Variants in PLXDC1 observed in about 807,000 individuals in gnomAD.
PLXDC1 encodes the protein plexin domain-containing protein 1.
PLXDC1 carries 39 observed loss-of-function variants against 61.3 expected under a neutral mutation model. The observed-to-expected ratio is 0.64, with a 90% CI of 0.49 to 0.83. The LOEUF is 0.83. Among genes scored for constraint, PLXDC1 ranks in the 40% least tolerant of loss-of-function variants. The pLI, the probability that PLXDC1 is intolerant of heterozygous loss-of-function variation, is 0.00. For missense variants in PLXDC1, 596 were observed against 666.5 expected (o/e 0.89, Z 1.17); for synonymous variants, 212 against 254.5 (o/e 0.83, Z 1.59).
Position 39,125,982 on chromosome 17 carries a change from G to A in PLXDC1, c.255+13672C>T, listed in dbSNP as rs374418925. Among the ~76,000 whole-genome samples the A allele has an allele frequency of 2.5e-3, 374 of 152,192 alleles. 2 individuals are homozygous for A. Among genetic ancestry groups the A allele is most frequent in the Non-Finnish European group, 3.7e-3 (253 of 68,016 alleles). ...ACATGAGTGCACATGGGCCGGGCGC[G>A]GTGGCTCACACCTGTAATCCCAGCA... On this transcript the variant is annotated intron_variant, in intron 2 of 13. Coordinates refer to ENST00000315392, the MANE Select transcript of PLXDC1 (RefSeq NM_020405.5).
Position 39,087,867 on chromosome 17 carries a change from G to A in PLXDC1, c.812-165C>T, listed in dbSNP as rs113219481. Among the ~76,000 whole-genome samples the A allele has an allele frequency of 2.0e-4, 30 of 152,298 alleles. 1 individual carries two copies. The highest frequency in any genetic ancestry group is 6.3e-4 in the African/African-American group (26 of 41,568). ...CGCTGCTGGAGACAGGGACAGGTGC[G>A]GACCTGGAGAGGAGAGTGTTGTGGT... is the stretch of plus-strand genomic sequence containing the variant. On this transcript the variant is annotated intron_variant, in intron 7 of 13. Coordinates refer to ENST00000315392, the MANE Select transcript of PLXDC1 (RefSeq NM_020405.5).
At chr17:39,099,353 A>G (rs1318339774) in intron 7 of PLXDC1, among the ~76,000 whole-genome samples, 3 of 152,170 alleles carry the variant, frequency 2.0e-5, no homozygotes, top group Non-Finnish European at 4.4e-5. Flanking sequence ...CTCATTCCAC[A>G]GCTTGATCAG....
At chr17:39,108,847 CCT>C in intron 4 of PLXDC1, 55 bp downstream of exon 4, 1 of 1,210,412 alleles carries the variant, frequency 8.3e-7, no homozygotes, top group South Asian at 1.2e-5. Context: ...TGGGAGGGCC[CCT>C]GAGTTCGGGC....
chr17:39,114,372 G>A (rs998443968), intron 2 of PLXDC1, among the ~76,000 whole-genome samples: 21 of 152,150 alleles, frequency 1.4e-4, no homozygotes, highest in Non-Finnish European at 2.4e-4. Context: ...TTCAGGAGCT[G>A]ACCCTTCCTC....
rs1206374337 is a variant in PLXDC1, at chr17:39,063,972, G to GCCCCATC, written c.*3867_*3868insGATGGGG. Reference sequence around the variant, plus strand: ...AACACTTTGCTTTTTGAATAGTGTGGTTGGCTGGCAGCTCTTGTCATTGTT... The same window carrying GCCCCATC: ...AACACTTTGCTTTTTGAATAGTGTGGCCCCATCTTGGCTGGCAGCTCTTGTCATTGTT... On this transcript the variant is annotated 3_prime_UTR_variant, in exon 14 of 14. Transcript: ENST00000315392. 1 of 155,582 alleles carries GCCCCATC rather than the reference G, an allele frequency of 6.4e-6. No homozygotes were observed. Among genetic ancestry groups the GCCCCATC allele is most frequent in the African/African-American group, 2.4e-5 (1 of 41,474 alleles). 9.6% of individuals were successfully genotyped at this position (155,582 alleles called of 1,614,324 possible). A position where few individuals can be genotyped will look rare whatever the true frequency, so the allele number is the denominator to read the frequency against.
intron 8 of PLXDC1, among the ~76,000 whole-genome samples, chr17:39,086,234 C>T (rs1452951280): frequency 6.6e-6 from 1 of 152,182 alleles, no homozygotes; most frequent in Non-Finnish European, 1.5e-5. Context: ...GGCCCTGAGC[C>T]TTCTGCCCCG....
Position 39,129,163 on chromosome 17 carries a change from CA to C in PLXDC1, c.255+10490del, listed in dbSNP as rs534449047. On this transcript the variant is annotated intron_variant, in intron 2 of 13. Coordinates refer to ENST00000315392, the MANE Select transcript of PLXDC1 (RefSeq NM_020405.5). Reference sequence around the variant, plus strand: ...CAAAATCCCATCCCTACTAAAAATACAAAAATTAGCTGGGCGTGGTGGCACA... The same window carrying C: ...CAAAATCCCATCCCTACTAAAAATACAAAATTAGCTGGGCGTGGTGGCACA... Among the ~76,000 whole-genome samples the C allele has an allele frequency of 1.8e-4, 27 of 146,124 alleles. 1 individual carries two copies. In the South Asian group the frequency reaches 5.9e-3, roughly 32 times the overall value.
At chr17:39,099,136 G>A (rs1555571481) in intron 7 of PLXDC1, among the ~76,000 whole-genome samples, 2 of 151,742 alleles carry the variant, frequency 1.3e-5, no homozygotes, top group Non-Finnish European at 2.9e-5. Flanking sequence ...AGCACCTGGA[G>A]TCAGACTCCA....
chr17:39,139,624 G>T (rs758608617), intron 2 of PLXDC1, 30 bp downstream of exon 2: 7 of 1,464,618 alleles, frequency 4.8e-6, no homozygotes, highest in African/African-American at 1.4e-5. Context: ...CCCCCACTTC[G>T]CTCCCCCTCC....
intron 2 of PLXDC1, among the ~76,000 whole-genome samples, chr17:39,121,271 A>G (rs1471179891): frequency 1.3e-5 from 2 of 152,240 alleles, no homozygotes. Flanking sequence ...CCAAAGCAAC[A>G]TATAAACTCC....
At chr17:39,108,606 C>G in intron 4 of PLXDC1, 1 of 519,428 alleles carries the variant, frequency 1.9e-6, no homozygotes, top group Non-Finnish European at 3.5e-6. Context: ...AGCCCAAGCT[C>G]TCAGTGGAGT....
intron 2 of PLXDC1, among the ~76,000 whole-genome samples, chr17:39,119,105 G>A (rs1911080405): frequency 6.6e-6 from 1 of 152,204 alleles, no homozygotes. Context: ...CAGCTTCCTT[G>A]AGGTCTGGCT....
intron 2 of PLXDC1, among the ~76,000 whole-genome samples, chr17:39,122,841 C>T (rs945546047): frequency 6.6e-6 from 1 of 152,234 alleles, no homozygotes; most frequent in Non-Finnish European, 1.5e-5. Flanking sequence ...GGATTTCAAA[C>T]ATTTTTGGTC....
At chr17:39,103,565 G>T (rs1910496421) in intron 7 of PLXDC1, among the ~76,000 whole-genome samples, 2 of 152,000 alleles carry the variant, frequency 1.3e-5, no homozygotes, top group African/African-American at 4.8e-5. Context: ...GTAATTCATG[G>T]CTGGGCGCGG....
rs140073817 is a variant in PLXDC1 at position 39,136,908 on chromosome 17, G to A, written c.255+2746C>T. On this transcript the variant is annotated intron_variant, in intron 2 of 13. Coordinates refer to ENST00000315392, the MANE Select transcript of PLXDC1 (RefSeq NM_020405.5). ...AATGCAAAAGAGACGCACAGCAGAAGAGAGAAGAAAAAATTGAAGGATCAC... is the reference window on the plus strand; with the variant it reads ...AATGCAAAAGAGACGCACAGCAGAAAAGAGAAGAAAAAATTGAAGGATCAC... 3.7e-4 allele frequency among the ~76,000 whole-genome samples: 57 copies of A among 152,280 alleles called. 1 individual carries two copies. Among genetic ancestry groups the A allele is most frequent in the African/African-American group, 1.3e-3 (55 of 41,554 alleles).
At chr17:39,121,051 G>T (rs1911148000) in intron 2 of PLXDC1, among the ~76,000 whole-genome samples, 1 of 151,800 alleles carries the variant, frequency 6.6e-6, no homozygotes, top group Admixed American at 6.6e-5. Flanking sequence ...ATGTTGCCCA[G>T]TCTGGTCTCA....
In PLXDC1 at chr17:39,064,805, A is replaced by T. The variant is rs796500832; in HGVS notation, c.*3035T>A. The stretch of plus-strand genomic sequence containing the variant: ...GAAGGAGGGTCTGAATTTGAGGAAG[A>T]AAAAGGACAGTGCAGCAAAGAGTTG... On this transcript the variant is annotated 3_prime_UTR_variant, in exon 14 of 14. Coordinates refer to ENST00000315392, the MANE Select transcript of PLXDC1 (RefSeq NM_020405.5). 18 of 152,384 alleles carry T rather than the reference A, an allele frequency of 1.2e-4. No individual in the cohort carries two copies. The highest frequency in any genetic ancestry group is 4.3e-4 in the African/African-American group (18 of 41,544). The allele number at this position is 152,384 out of a possible 1,614,324, so 9.4% of individuals were successfully genotyped here.
At chr17:39,137,751 G>A (rs1911801132) in intron 2 of PLXDC1, among the ~76,000 whole-genome samples, 2 of 152,052 alleles carry the variant, frequency 1.3e-5, no homozygotes, top group South Asian at 2.1e-4. Flanking sequence ...ACAGGGTCAA[G>A]GGAACAGGGG....
At chr17:39,099,132 T>G (rs2143598951) in intron 7 of PLXDC1, among the ~76,000 whole-genome samples, 1 of 152,206 alleles carries the variant, frequency 6.6e-6, no homozygotes, top group African/African-American at 2.4e-5. Flanking sequence ...ACACAGCACC[T>G]GGAGTCAGAC....
Sources: allele counts gnomAD v4.1 joint callset (sites outside exome capture counted in the v4.1 genomes callset), GRCh38; gene constraint gnomAD v4.1.1; transcripts MANE v1.5; gene names NCBI Gene and HGNC (gene_info 2026-07-23, HGNC 2026-07-21).